Variants in FNBP1 observed in about 807,000 individuals in gnomAD.
FNBP1 encodes formin-binding protein 1.
Under a neutral mutation model 90.6 loss-of-function variants are expected in FNBP1, and 26 were observed. That is an observed-to-expected ratio of 0.29 (90% CI 0.21 to 0.40). The LOEUF (loss-of-function observed/expected upper bound fraction) is 0.40, where lower values mean the gene tolerates loss of function less well. Ranked by LOEUF, FNBP1 falls within the 10% of genes least tolerant of loss-of-function variation. The pLI is 1.00. For synonymous variants in FNBP1, 260 were observed against 265.2 expected, an observed-to-expected ratio of 0.98 and a Z score of 0.19; for missense variants, 635 against 768.0, an observed-to-expected ratio of 0.83 and a Z score of 2.05.
chr9:130,052,725 C>A, the FNBP1 span, among the ~76,000 whole-genome samples: 1 of 152,044 alleles, frequency 6.6e-6, no homozygotes, highest in Non-Finnish European at 1.5e-5. Context: ...CGAATCACCA[C>A]CCTGCCAGGC....
chr9:129,910,481 CAAAAAAACAAA>C (rs2039049081), intron 11 of FNBP1, among the ~76,000 whole-genome samples: 1 of 90,084 alleles, frequency 1.1e-5, no homozygotes. Context: ...GACTCCATCT[CAAAAAAACAAA>C]AAAAAAAAAA....
chr9:129,995,991 C>G (rs2053930847), intron 1 of FNBP1, among the ~76,000 whole-genome samples: 1 of 152,154 alleles, frequency 6.6e-6, no homozygotes, highest in African/African-American at 2.4e-5. Flanking sequence ...TTAACAAACA[C>G]AATCAACTAG....
chr9:129,892,912 G>A (rs760702798), intron 16 of FNBP1, among the ~76,000 whole-genome samples: 11 of 149,968 alleles, frequency 7.3e-5, no homozygotes, highest in Non-Finnish European at 1.6e-4. Context: ...CATTCCCCCT[G>A]AAACCAACTG....
chr9:129,895,701 TA>T (rs1410696222), intron 16 of FNBP1, 136 bp downstream of exon 16: 20 of 1,363,920 alleles, frequency 1.5e-5, no homozygotes, highest in Non-Finnish European at 1.8e-5. Context: ...CACGTGAGAC[TA>T]CAGGAGAACG....
At position 129,957,711 on chromosome 9, in the gene FNBP1, C is replaced by T. The variant is rs1197338034; in HGVS notation, c.409-247G>A. 6.6e-6 allele frequency among the ~76,000 whole-genome samples: 1 copy of T among 152,072 alleles called. No homozygotes were observed. Among genetic ancestry groups the T allele is most frequent in the Admixed American group, 6.6e-5 (1 of 15,256 alleles). On this transcript the variant is annotated intron_variant, in intron 5 of 16. Transcript: ENST00000446176. The surrounding 1 kb of genome is among the most constrained non-coding windows in gnomAD (Gnocchi z 4.3). ...TGACTACAGGCATGCACCACCATGC[C>T]CAGCTAATTTTTGCATTTTTTTGTA...
chr9:129,998,960 T>C (rs1159052693), intron 1 of FNBP1, among the ~76,000 whole-genome samples: 1 of 152,224 alleles, frequency 6.6e-6, no homozygotes, highest in Non-Finnish European at 1.5e-5. Context: ...TGGTGCTTGT[T>C]TGTGACTATA....
At chr9:130,051,937 G>A in the FNBP1 span, among the ~76,000 whole-genome samples, 11 of 152,120 alleles carry the variant, frequency 7.2e-5, no homozygotes, top group African/African-American at 2.2e-4. Flanking sequence ...AAAGTGTAAT[G>A]TCCCTTTGAA....
chr9:130,040,827 T>C (rs1477530186), intron 1 of FNBP1, among the ~76,000 whole-genome samples: 2 of 152,066 alleles, frequency 1.3e-5, no homozygotes. Flanking sequence ...GAAAGAATAG[T>C]GTAATGAATA....
At chr9:130,039,975 A>G (rs991861203) in intron 1 of FNBP1, among the ~76,000 whole-genome samples, 2 of 152,176 alleles carry the variant, frequency 1.3e-5, no homozygotes, top group African/African-American at 4.8e-5. Flanking sequence ...CATCTAGAAG[A>G]ATAATTCTGC....
chr9:129,945,350 T>C lies in FNBP1; in HGVS notation c.513+12010A>G, dbSNP rs187501818. 6.6e-5 allele frequency among the ~76,000 whole-genome samples: 10 copies of C among 152,352 alleles called. No individual in the cohort carries two copies. In the East Asian group the frequency reaches 1.7e-3, roughly 26 times the overall value. The stretch of plus-strand genomic sequence containing the variant: ...GATTAAGCTGCAGTTGCAAAATTTA[T>C]TTCCTGCATTTATACTAACCACTTC... On this transcript the variant is annotated intron_variant, in intron 6 of 16. Coordinates refer to ENST00000446176, the MANE Select transcript of FNBP1 (RefSeq NM_015033.3).
chr9:130,020,785 C>T (rs1309105152), intron 1 of FNBP1, among the ~76,000 whole-genome samples: 1 of 152,140 alleles, frequency 6.6e-6, no homozygotes, highest in Non-Finnish European at 1.5e-5. Flanking sequence ...GGTTAACATT[C>T]GAGAACTTTG....
rs1373819053 is a variant in FNBP1, at chr9:129,957,793, T to C, written c.409-329A>G. Among the ~76,000 whole-genome samples the C allele has an allele frequency of 1.3e-5, 2 of 152,092 alleles. No homozygotes were observed. Among genetic ancestry groups the C allele is most frequent in the Non-Finnish European group, 2.9e-5 (2 of 68,012 alleles). On this transcript the variant is annotated intron_variant, in intron 5 of 16. Transcript: ENST00000446176. This position sits in a 1 kb window ranked among gnomAD's most constrained non-coding sequence, Gnocchi z 4.3. ...GTCTTGAGCTTCTGAGCTCAAGCAATCCTCCCGCCTCTGCCTCCCAAATTG... is the reference window on the plus strand; with the variant it reads ...GTCTTGAGCTTCTGAGCTCAAGCAACCCTCCCGCCTCTGCCTCCCAAATTG...
rs1446629877 is a variant in FNBP1 at position 130,042,472 on chromosome 9, C to T, written c.24+480G>A. Among the ~76,000 whole-genome samples the T allele has an allele frequency of 6.6e-6, 1 of 151,980 alleles. No homozygotes were observed. Among genetic ancestry groups the T allele is most frequent in the South Asian group, 2.1e-4 (1 of 4,832 alleles). On this transcript the variant is annotated intron_variant, in intron 1 of 16. Coordinates refer to ENST00000446176, the MANE Select transcript of FNBP1 (RefSeq NM_015033.3). The surrounding 1 kb of genome is among the most constrained non-coding windows in gnomAD (Gnocchi z 5.5). Reference sequence around the variant, plus strand: ...ACCCGACCCCCGGCGCTCGCCCCGGCCGCCCCGCTCCCGGGGAAGTGCCCG... The same window carrying T: ...ACCCGACCCCCGGCGCTCGCCCCGGTCGCCCCGCTCCCGGGGAAGTGCCCG...
chr9:130,014,633 A>C (rs1301552624), intron 1 of FNBP1, among the ~76,000 whole-genome samples: 2 of 152,170 alleles, frequency 1.3e-5, no homozygotes, highest in Admixed American at 1.3e-4. Flanking sequence ...TTCTATACAT[A>C]CATATTTTCA....
intron 4 of FNBP1, among the ~76,000 whole-genome samples, chr9:129,969,124 G>T (rs1035097554): frequency 6.6e-6 from 1 of 152,144 alleles, no homozygotes; most frequent in African/African-American, 2.4e-5. Flanking sequence ...AGTTCTTATG[G>T]AGGAATATAT....
chr9:129,923,351 C>G (rs143139920), intron 10 of FNBP1, among the ~76,000 whole-genome samples: 1 of 151,934 alleles, frequency 6.6e-6, no homozygotes, highest in African/African-American at 2.4e-5. Context: ...AAGGCCGAGG[C>G]GGGCGGATCA....
At chr9:129,923,605 TAGAA>T (rs1394746351) in intron 10 of FNBP1, among the ~76,000 whole-genome samples, 52 of 149,396 alleles carry the variant, frequency 3.5e-4, no homozygotes, top group African/African-American at 9.8e-4. Context: ...AAGAAACAAA[TAGAA>T]AGAACTCTGG....
intron 2 of FNBP1, among the ~76,000 whole-genome samples, chr9:129,981,078 C>T (rs967486043): frequency 1.3e-5 from 2 of 149,356 alleles, no homozygotes; most frequent in Admixed American, 1.3e-4. Context: ...GAGAAATAGC[C>T]ATAGCATGTT....
chr9:129,965,809 GAGGGAGGGAGGAAGGAAGGA>G (rs2048534464), intron 4 of FNBP1, among the ~76,000 whole-genome samples: 1 of 56,234 alleles, frequency 1.8e-5, no homozygotes, highest in Non-Finnish European at 3.2e-5. Context: ...GGGAAGGAGG[GAGGGAGGGAGGAAGGAAGGA>G]AGGAAGGAAG....
Sources: allele counts gnomAD v4.1 joint callset (sites outside exome capture counted in the v4.1 genomes callset), GRCh38; gene constraint gnomAD v4.1.1; non-coding constraint Gnocchi (gnomAD v3.1); transcripts MANE v1.5; gene names NCBI Gene and HGNC (gene_info 2026-07-23, HGNC 2026-07-21).